The following EMC1 variants were observed in gnomAD, a reference collection of about 807,000 sequenced individuals.
EMC1 encodes the protein ER membrane protein complex subunit 1.
In EMC1, 103 loss-of-function variants were observed where a neutral mutation model predicts 128.8. That is an observed-to-expected ratio of 0.80 (90% CI 0.68 to 0.94). The LOEUF (loss-of-function observed/expected upper bound fraction) is 0.94. Among genes scored for constraint, EMC1 ranks in the 40% least tolerant of loss-of-function variants. The probability of loss-of-function intolerance (pLI) is 0.00; values close to 1 mark genes in which losing one functional copy is unlikely to be tolerated. For synonymous variants in EMC1, 442 were observed against 490.4 expected, an observed-to-expected ratio of 0.90 and a Z score of 1.30; for missense variants, 1,083 against 1,250.6, an observed-to-expected ratio of 0.87 and a Z score of 2.02.
At chr1:19,243,546 G>T in intron 4 of EMC1, 68 bp downstream of exon 4, 1 of 1,408,466 alleles carries the variant, frequency 7.1e-7, no homozygotes, top group Non-Finnish European at 1.0e-6. Context: ...CAGAGTTGCT[G>T]TCTATGCAGA....
At position 19,223,413 on chromosome 1, in the gene EMC1, A is replaced by T; in HGVS notation, c.2359T>A (p.Ser787Thr). Residue 787 changes from serine to threonine, a missense_variant, in exon 19 of 23, where the codon TCA (serine) becomes ACA (threonine). Transcript: ENST00000477853. ...KAKGPVHIVH[S>T]ENWVVYQYWN... ...CCGCTTACCACCACCCAGTTCTCTG[A>T]ATGCACGATATGGACAGGGCCTTTG... 1.2e-6 allele frequency: 2 copies of T among 1,614,106 alleles called. No individual in the cohort carries two copies. Among genetic ancestry groups the T allele is most frequent in the Non-Finnish European group, 1.7e-6 (2 of 1,179,988 alleles).
rs1156463957 is a variant in EMC1, at chr1:19,241,478, G to A, written c.510-336C>T. Among the ~76,000 whole-genome samples, 8 of 152,224 alleles carry A rather than the reference G, an allele frequency of 5.3e-5. No homozygotes were observed. The East Asian group carries it at 1.4e-3, about 26-fold the overall frequency. ...CTGCAGCTCCCATCCAGCCAGTGTT[G>A]CTCATGGATATTTCATAACCCGCCT... is the stretch of plus-strand genomic sequence containing the variant. On this transcript the variant is annotated intron_variant, in intron 5 of 22. Transcript: ENST00000477853.
Position 19,220,102 on chromosome 1 carries a change from T to G in EMC1, c.2673-404A>C, listed in dbSNP as rs2093420100. On this transcript the variant is annotated intron_variant, in intron 21 of 22. Coordinates refer to ENST00000477853, the MANE Select transcript of EMC1 (RefSeq NM_015047.3). ...TTATCATCCTGTGTCTTTTCCTAGC[T>G]TTAACCTCCTCTCTCTCATATACTT... The G allele has an allele frequency of 1.5e-5, 3 of 198,968 alleles. No individual in the cohort carries two copies. In the South Asian group the frequency reaches 3.0e-4, roughly 20 times the overall value. The allele number at this position is 198,968 out of a possible 1,614,324, so 12.3% of individuals were successfully genotyped here. A position where few individuals can be genotyped will look rare whatever the true frequency, so the allele number is the denominator to read the frequency against.
intron 1 of EMC1, among the ~76,000 whole-genome samples, chr1:19,248,512 C>T (rs1416176573): frequency 6.6e-6 from 1 of 152,184 alleles, no homozygotes; most frequent in South Asian, 2.1e-4. Context: ...CTCCGTCTCC[C>T]AGGTTCAAGT....
chr1:19,231,007 C>T, intron 16 of EMC1, 44 bp from the exon 17 acceptor site: 1 of 1,609,714 alleles, frequency 6.2e-7, no homozygotes, highest in South Asian at 1.1e-5. Context: ...AGGAAATTTC[C>T]CCATCAAAGA....
At position 19,227,402 on chromosome 1, in the gene EMC1, G is replaced by A. The variant is rs767221166; in HGVS notation, c.2113C>T (p.Gln705Ter). ...SWELTIPPEV[Q>*]RIVKVKGKRS... ...TTCCCCTTCACCTTGACGATCCGCT[G>A]TACTTCTGGGGGAATGGTCAGCTCC... is the stretch of plus-strand genomic sequence containing the variant. The change falls in exon 18 of 23, where the codon CAG (glutamine) becomes TAG (stop). Residue 705 changes from glutamine to a stop codon, truncating the protein, a stop_gained. Coordinates refer to ENST00000477853, the MANE Select transcript of EMC1 (RefSeq NM_015047.3). LOFTEE classifies it high-confidence loss of function. 2 of 1,614,214 alleles carry A rather than the reference G, an allele frequency of 1.2e-6. No homozygotes were observed. Among genetic ancestry groups the A allele is most frequent in the Non-Finnish European group, 8.5e-7 (1 of 1,180,036 alleles).
chr1:19,244,625 G>A (rs552600519), intron 2 of EMC1: 30 of 300,770 alleles, frequency 1.0e-4, no homozygotes, highest in African/African-American at 5.3e-4. Flanking sequence ...GGCTGGTCTC[G>A]AACTCCTGAG....
At chr1:19,232,589 C>A (rs1179533636) in intron 15 of EMC1, 35 bp downstream of exon 15, 11 of 1,612,614 alleles carry the variant, frequency 6.8e-6, no homozygotes, top group Non-Finnish European at 9.3e-6. Flanking sequence ...AAAAGCCACA[C>A]TGAGTCTGGC....
At chr1:19,224,489 GT>G (rs2093456690) in intron 18 of EMC1, among the ~76,000 whole-genome samples, 1 of 152,128 alleles carries the variant, frequency 6.6e-6, no homozygotes, top group South Asian at 2.1e-4. Flanking sequence ...AAAGCCTCGA[GT>G]TATCCTTGAC....
intron 1 of EMC1, among the ~76,000 whole-genome samples, chr1:19,248,685 TG>T (rs1232430269): frequency 2.0e-5 from 3 of 152,140 alleles, no homozygotes; most frequent in African/African-American, 7.2e-5. Flanking sequence ...CCCAAAGTGC[TG>T]GGATTATAGG....
At chr1:19,245,640 T>TTTTTTTTTC (rs1308080148) in intron 1 of EMC1, among the ~76,000 whole-genome samples, 2 of 149,444 alleles carry the variant, frequency 1.3e-5, no homozygotes, top group East Asian at 4.1e-4. Flanking sequence ...TTTTTTTTTT[T>TTTTTTTTTC]TGAGACGAAG....
rs987936936 is a variant in EMC1 at position 19,216,587 on chromosome 1, C to A, written c.*2716G>T. ...ATCCATTAGTTGAAAAAACAAGTAA[C>A]AGAATTAAATAGCATCATCTCATTT... On this transcript the variant is annotated 3_prime_UTR_variant, in exon 23 of 23. Coordinates refer to ENST00000477853, the MANE Select transcript of EMC1 (RefSeq NM_015047.3). 1 of 152,128 alleles carries A rather than the reference C, an allele frequency of 6.6e-6. No individual in the cohort carries two copies. The highest frequency in any genetic ancestry group is 1.5e-5 in the Non-Finnish European group (1 of 67,996). 9.4% of individuals were successfully genotyped at this position (152,128 alleles called of 1,614,324 possible). A position where few individuals can be genotyped will look rare whatever the true frequency, so the allele number is the denominator to read the frequency against.
chr1:19,237,060 C>T, intron 12 of EMC1, 82 bp downstream of exon 12: 2 of 983,566 alleles, frequency 2.0e-6, no homozygotes, highest in Non-Finnish European at 3.3e-6. Flanking sequence ...CAGAAACCTG[C>T]AGCCTCCCAA....
intron 1 of EMC1, among the ~76,000 whole-genome samples, chr1:19,245,623 C>CTTTTTTTTTT (rs1458650826): frequency 1.0e-5 from 1 of 97,346 alleles, no homozygotes; most frequent in Non-Finnish European, 1.9e-5. Context: ...GGCACCTTAC[C>CTTTTTTTTTT]TTTCTTTTTT....
chr1:19,231,454 CAAGAA>C lies in EMC1; in HGVS notation c.1783-37_1783-33del, dbSNP rs1424847599. On this transcript the variant is annotated intron_variant, in intron 15 of 22. Coordinates refer to ENST00000477853, the MANE Select transcript of EMC1 (RefSeq NM_015047.3). The stretch of plus-strand genomic sequence containing the variant: ...TGAGCAAACTGTCAGGCTCCACCAA[CAAGAA>C]AAGACTGCAAATCCTAGGGATAGAC... 7 of 1,598,204 alleles carry C rather than the reference CAAGAA, an allele frequency of 4.4e-6. No homozygotes were observed. In the African/African-American group the frequency reaches 9.5e-5, roughly 22 times the overall value.
At chr1:19,249,326 T>G (rs2093646444) in intron 1 of EMC1, among the ~76,000 whole-genome samples, 2 of 152,208 alleles carry the variant, frequency 1.3e-5, no homozygotes, top group Non-Finnish European at 1.5e-5. Flanking sequence ...TCATGTTAAG[T>G]GCCCTATACC....
intron 1 of EMC1, among the ~76,000 whole-genome samples, chr1:19,250,350 A>T (rs924257081): frequency 5.9e-5 from 9 of 151,860 alleles, no homozygotes; most frequent in African/African-American, 2.2e-4. Flanking sequence ...CCATTCATTC[A>T]TTCATTCATT....
intron 1 of EMC1, among the ~76,000 whole-genome samples, chr1:19,250,691 A>C (rs2093654873): frequency 2.0e-5 from 3 of 152,218 alleles, no homozygotes; most frequent in African/African-American, 7.2e-5. Flanking sequence ...ATTTAATGGG[A>C]TTGTCTCATT....
intron 8 of EMC1, 67 bp from the exon 9 acceptor site, chr1:19,239,369 C>A: frequency 2.9e-6 from 4 of 1,402,414 alleles, no homozygotes; most frequent in South Asian, 2.3e-5. Flanking sequence ...TACAGAGGGT[C>A]ACCTCTCCAG....
Sources: gnomAD v4.1 joint callset for allele counts (sites outside exome capture counted in the v4.1 genomes callset) on GRCh38, gnomAD v4.1.1 for gene constraint, MANE v1.5 for transcripts, NCBI Gene and HGNC (gene_info 2026-07-23, HGNC 2026-07-21) for gene names.